MAST4: variants seen among roughly 807,000 people sequenced by gnomAD.
MAST4 encodes microtubule associated serine/threonine kinase family member 4.
In MAST4, 89 loss-of-function variants were observed where a neutral mutation model predicts 162.7. That is an observed-to-expected ratio of 0.55 (90% CI 0.46 to 0.65). MAST4 has a LOEUF of 0.65. Among genes scored for constraint, MAST4 ranks in the 30% least tolerant of loss-of-function variants. The probability of loss-of-function intolerance (pLI) is 0.00; values close to 1 mark genes in which losing one functional copy is unlikely to be tolerated. For missense variants in MAST4, 3,153 were observed against 3,374.0 expected (o/e 0.93, Z 1.62); for synonymous variants, 1,479 against 1,361.1 (o/e 1.09, Z -1.91).
In MAST4 at chr5:66,623,644, A is replaced by G. The variant is rs147649226; in HGVS notation, c.363+26626A>G. On this transcript the variant is annotated intron_variant, in intron 1 of 28. Transcript: ENST00000403625. The stretch of plus-strand genomic sequence containing the variant: ...GGAACTTAGTAAAAGCCATATATGA[A>G]GGACCCACAACTAACGCTATAATCA... 3.6e-3 allele frequency among the ~76,000 whole-genome samples: 541 copies of G among 152,348 alleles called. 5 individuals are homozygous for G. The highest frequency in any genetic ancestry group is 0.012 in the African/African-American group (517 of 41,586).
intron 1 of MAST4, among the ~76,000 whole-genome samples, chr5:66,616,040 C>T (rs900926381): frequency 1.3e-5 from 2 of 152,196 alleles, no homozygotes; most frequent in Non-Finnish European, 2.9e-5. Context: ...TTGTCTTATT[C>T]ATCTTCATAG....
intron 2 of MAST4, among the ~76,000 whole-genome samples, chr5:66,765,707 A>G (rs1754063340): frequency 6.6e-6 from 1 of 152,180 alleles, no homozygotes; most frequent in African/African-American, 2.4e-5. Context: ...CAATTTAGAA[A>G]ATACAGAACA....
At chr5:66,857,811 A>C (rs1759799904) in intron 3 of MAST4, among the ~76,000 whole-genome samples, 1 of 152,080 alleles carries the variant, frequency 6.6e-6, no homozygotes, top group Non-Finnish European at 1.5e-5. Context: ...AAATTTACTT[A>C]TGGTGTCGTT....
chr5:66,597,032 C>T lies in MAST4; in HGVS notation c.363+14C>T, dbSNP rs1303703542. The T allele has an allele frequency of 1.4e-6, 2 of 1,416,538 alleles. No homozygotes were observed. Among genetic ancestry groups the T allele is most frequent in the East Asian group, 6.0e-5 (2 of 33,480 alleles). The allele number at this position is 1,416,538 out of a possible 1,614,324, so 87.7% of individuals were successfully genotyped here. On this transcript the variant is annotated intron_variant, in intron 1 of 28. Transcript: ENST00000403625. ...CAGGACGAGGAGGTGGGCCTTTCCC[C>T]AGCTTGCCCACTCTGGGTTCCGGCA...
Position 67,133,500 on chromosome 5 carries a change from C to T in MAST4, c.2094-14C>T. ...TAAAGTGATTATTGTGTTACATGTC[C>T]GTCTGCCTCATAGCTTGTTGGTTAC... On this transcript the variant is annotated splice_polypyrimidine_tract_variant and intron_variant, in intron 16 of 28. Transcript: ENST00000403625. 6.2e-7 allele frequency: 1 copy of T among 1,611,868 alleles called. No individual in the cohort carries two copies. Among genetic ancestry groups the T allele is most frequent in the Middle Eastern group, 1.7e-4 (1 of 6,040 alleles).
intron 1 of MAST4, among the ~76,000 whole-genome samples, chr5:66,619,327 T>G (rs1414574322): frequency 6.6e-6 from 1 of 152,180 alleles, no homozygotes; most frequent in Non-Finnish European, 1.5e-5. Context: ...CCAGGGCATA[T>G]GTATTTCACT....
At chr5:66,711,272 T>C (rs1458747494) in intron 1 of MAST4, among the ~76,000 whole-genome samples, 1 of 152,260 alleles carries the variant, frequency 6.6e-6, no homozygotes, top group Non-Finnish European at 1.5e-5. Flanking sequence ...CAGTACAAGC[T>C]ACTTCTTTTC....
chr5:66,736,940 G>A (rs1163870079), intron 1 of MAST4, among the ~76,000 whole-genome samples: 2 of 152,168 alleles, frequency 1.3e-5, no homozygotes, highest in Non-Finnish European at 2.9e-5. Context: ...TGTAATATCC[G>A]AGTCATATGG....
intron 1 of MAST4, among the ~76,000 whole-genome samples, chr5:66,682,849 G>C: frequency 6.6e-6 from 1 of 152,196 alleles, no homozygotes; most frequent in Non-Finnish European, 1.5e-5. Context: ...GGGACTACAG[G>C]CCTATGCCAC....
intron 1 of MAST4, among the ~76,000 whole-genome samples, chr5:66,712,937 A>G (rs1035446645): frequency 6.6e-6 from 1 of 152,214 alleles, no homozygotes; most frequent in Admixed American, 6.5e-5. Context: ...AAGGAACCCA[A>G]TATAAGAAAT....
rs114925813 is a variant in MAST4 at position 67,003,067 on chromosome 5, G to A, written c.675-51337G>A. Among the ~76,000 whole-genome samples, 473 of 150,618 alleles carry A rather than the reference G, an allele frequency of 3.1e-3. 4 individuals carry two copies. The highest frequency in any genetic ancestry group is 0.011 in the African/African-American group (461 of 40,438). On this transcript the variant is annotated intron_variant, in intron 4 of 28. Coordinates refer to ENST00000403625, the MANE Select transcript of MAST4 (RefSeq NM_001164664.2). ...AGTGCTGAGGTCTAGAAACTGCTCC[G>A]GAGCACAGGGACACTCTTTTGTGTC...
intron 4 of MAST4, among the ~76,000 whole-genome samples, chr5:66,905,296 C>CT (rs1392789958): frequency 4.8e-4 from 51 of 106,948 alleles, no homozygotes; most frequent in African/African-American, 1.8e-3. Flanking sequence ...GAGTGAAACT[C>CT]TGTCTCAAAA....
At chr5:66,974,706 G>GGGC (rs1747904870) in intron 4 of MAST4, among the ~76,000 whole-genome samples, 1 of 152,184 alleles carries the variant, frequency 6.6e-6, no homozygotes, top group African/African-American at 2.4e-5. Context: ...GGAATCTAAT[G>GGGC]CTGGCCACTA....
chr5:67,078,511 T>G (rs1304414677), intron 5 of MAST4, among the ~76,000 whole-genome samples: 2 of 150,982 alleles, frequency 1.3e-5, no homozygotes, highest in African/African-American at 4.9e-5. Context: ...ATGGCTATGT[T>G]AATTAGCTTG....
intron 4 of MAST4, 83 bp downstream of exon 4, chr5:66,900,065 C>A: frequency 1.1e-6 from 1 of 929,856 alleles, no homozygotes; most frequent in Non-Finnish European, 1.5e-6. Context: ...TCATTAGTGG[C>A]AATTATAAAA....
intron 5 of MAST4, among the ~76,000 whole-genome samples, chr5:67,087,614 A>G (rs1310892745): frequency 6.6e-6 from 1 of 152,156 alleles, no homozygotes; most frequent in Non-Finnish European, 1.5e-5. Flanking sequence ...CTGCCCTGAA[A>G]TTGAGCTAGA....
intron 3 of MAST4, among the ~76,000 whole-genome samples, chr5:66,851,414 C>T (rs2149813032): frequency 6.6e-6 from 1 of 152,330 alleles, no homozygotes; most frequent in Non-Finnish European, 1.5e-5. Context: ...CAATTTGAGG[C>T]AACCTCTTAG....
chr5:66,826,610 C>T (rs184761195), intron 3 of MAST4, among the ~76,000 whole-genome samples: 3 of 152,116 alleles, frequency 2.0e-5, no homozygotes, highest in African/African-American at 7.2e-5. Flanking sequence ...CACCACCCCC[C>T]CCAATCCCCC....
intron 4 of MAST4, among the ~76,000 whole-genome samples, chr5:66,941,009 G>T (rs887825945): frequency 2.0e-5 from 3 of 152,046 alleles, no homozygotes; most frequent in African/African-American, 7.2e-5. Context: ...GTAATATCTC[G>T]AGAGGAATCT....
Sources: gnomAD v4.1 joint callset for allele counts (sites outside exome capture counted in the v4.1 genomes callset) on GRCh38, gnomAD v4.1.1 for gene constraint, MANE v1.5 for transcripts, NCBI Gene and HGNC (gene_info 2026-07-23, HGNC 2026-07-21) for gene names.